FAM124A: variants seen among roughly 807,000 people sequenced by gnomAD.
FAM124A encodes the protein protein FAM124A.
Under a neutral mutation model 24.5 loss-of-function variants are expected in FAM124A, and 23 were observed. That is an observed-to-expected ratio of 0.94 (90% CI 0.68 to 1.33). The LOEUF (loss-of-function observed/expected upper bound fraction) is 1.33, where lower values mean the gene tolerates loss of function less well. FAM124A is among the 40% of genes most tolerant of loss of function. The probability of loss-of-function intolerance (pLI) is 0.00; values close to 1 mark genes in which losing one functional copy is unlikely to be tolerated. For missense variants in FAM124A, 623 were observed against 722.8 expected (o/e 0.86, Z 1.58); for synonymous variants, 287 against 314.7 (o/e 0.91, Z 0.93).
intron 3 of FAM124A, among the ~76,000 whole-genome samples, chr13:51,273,753 G>T (rs1798611236): frequency 6.6e-6 from 1 of 152,204 alleles, no homozygotes; most frequent in South Asian, 2.1e-4. Flanking sequence ...GTAAGAATGA[G>T]ATTTTTAACC....
At chr13:51,230,030 G>A (rs1954358493) in intron 1 of FAM124A, among the ~76,000 whole-genome samples, 1 of 152,016 alleles carries the variant, frequency 6.6e-6, no homozygotes, top group African/African-American at 2.4e-5. Context: ...CCTGGCCTCT[G>A]TACAGATAGT....
chr13:51,248,649 A>G (rs1954589030), intron 2 of FAM124A, among the ~76,000 whole-genome samples: 1 of 152,122 alleles, frequency 6.6e-6, no homozygotes, highest in Non-Finnish European at 1.5e-5. Context: ...GGCTCCCCCA[A>G]GTATGTTCTT....
intron 3 of FAM124A, among the ~76,000 whole-genome samples, chr13:51,280,010 C>T (rs1419171140): frequency 6.6e-6 from 1 of 152,180 alleles, no homozygotes; most frequent in East Asian, 1.9e-4. Flanking sequence ...TCTGTCCTCT[C>T]ATCAGTAACA....
chr13:51,269,944 G>A (rs922150271), intron 3 of FAM124A, among the ~76,000 whole-genome samples: 42 of 152,258 alleles, frequency 2.8e-4, no homozygotes, highest in Admixed American at 1.0e-3. Context: ...ACGACTTTAC[G>A]TACAGCCAGA....
intron 3 of FAM124A, among the ~76,000 whole-genome samples, chr13:51,274,578 CAG>C (rs1954868448): frequency 6.6e-6 from 1 of 152,114 alleles, no homozygotes; most frequent in African/African-American, 2.4e-5. Context: ...CCAAAAATAT[CAG>C]AGTCCTCATA....
At chr13:51,248,827 C>T (rs995567668) in intron 2 of FAM124A, among the ~76,000 whole-genome samples, 1 of 152,208 alleles carries the variant, frequency 6.6e-6, no homozygotes, top group Admixed American at 6.5e-5. Flanking sequence ...AGTAAGGATA[C>T]ATAATAGGAT....
rs1053986395 is a variant in FAM124A at position 51,281,278 on chromosome 13, G to C, written c.*22G>C. 4 of 1,529,560 alleles carry C rather than the reference G, an allele frequency of 2.6e-6. No homozygotes were observed. The African/African-American group carries it at 4.1e-5, about 16-fold the overall frequency. 94.7% of individuals were successfully genotyped at this position (1,529,560 alleles called of 1,614,324 possible). ...CTGAATGCCCTCTGCTCTTGTTCTC[G>C]AAACACACAAACTCAGAGACACAGA... is the stretch of plus-strand genomic sequence containing the variant. On this transcript the variant is annotated 3_prime_UTR_variant, in exon 4 of 4. Transcript: ENST00000322475.
chr13:51,250,509 C>T (rs1220146731), intron 2 of FAM124A, among the ~76,000 whole-genome samples: 3 of 152,196 alleles, frequency 2.0e-5, no homozygotes, highest in Non-Finnish European at 4.4e-5. Context: ...AAAAAACTGT[C>T]ACCCCATGGG....
At chr13:51,225,917 G>A (rs1954310359) in intron 1 of FAM124A, among the ~76,000 whole-genome samples, 1 of 146,564 alleles carries the variant, frequency 6.8e-6, no homozygotes, top group Non-Finnish European at 1.5e-5. Context: ...GGATTCTATA[G>A]AAGGGGGAAG....
At chr13:51,245,955 T>G (rs1316188875) in intron 2 of FAM124A, among the ~76,000 whole-genome samples, 2 of 152,228 alleles carry the variant, frequency 1.3e-5, no homozygotes, top group Non-Finnish European at 2.9e-5. Context: ...AGGCTAATAG[T>G]ACACTTTCTG....
intron 2 of FAM124A, among the ~76,000 whole-genome samples, chr13:51,237,314 C>T (rs1028142963): frequency 9.2e-5 from 14 of 152,182 alleles, no homozygotes; most frequent in African/African-American, 3.4e-4. Context: ...AGATGATGTA[C>T]TTATTTCCAA....
intron 1 of FAM124A, 26 bp from the exon 2 acceptor site, chr13:51,231,319 TCTA>T (rs1195825488): frequency 1.2e-6 from 2 of 1,613,552 alleles, no homozygotes; most frequent in Non-Finnish European, 1.7e-6. Flanking sequence ...GATAAAGAAT[TCTA>T]CTAACGCTGA....
At chr13:51,225,985 T>C (rs908356835) in intron 1 of FAM124A, among the ~76,000 whole-genome samples, 19 of 24,428 alleles carry the variant, frequency 7.8e-4, no homozygotes, top group Non-Finnish European at 1.3e-3. Flanking sequence ...TCTTTTTTTT[T>C]TTTTTTTTTT....
chr13:51,232,145 A>G (rs182226565), intron 2 of FAM124A, among the ~76,000 whole-genome samples: 6 of 152,316 alleles, frequency 3.9e-5, no homozygotes, highest in African/African-American at 1.4e-4. Flanking sequence ...GATCAGGAAT[A>G]TGTTTACAAA....
intron 3 of FAM124A, among the ~76,000 whole-genome samples, chr13:51,269,801 A>G (rs892744392): frequency 1.3e-5 from 2 of 152,218 alleles, no homozygotes; most frequent in Admixed American, 6.5e-5. Flanking sequence ...TTAATTTTTA[A>G]AAGTATTTTT....
chr13:51,277,382 G>A lies in FAM124A; in HGVS notation c.835-3068G>A, dbSNP rs866306404. 1.1e-3 allele frequency among the ~76,000 whole-genome samples: 170 copies of A among 152,316 alleles called. 1 individual carries two copies. Among genetic ancestry groups the A allele is most frequent in the African/African-American group, 3.9e-3 (161 of 41,576 alleles). ...GAGGGCTGAAAATTACCTATTGGGT[G>A]CGCTGTTCACTATTTGGGTGATGGG... On this transcript the variant is annotated intron_variant, in intron 3 of 3. Coordinates refer to ENST00000322475, the MANE Select transcript of FAM124A (RefSeq NM_001242312.2).
At chr13:51,248,380 A>G (rs1954586099) in intron 2 of FAM124A, among the ~76,000 whole-genome samples, 1 of 152,200 alleles carries the variant, frequency 6.6e-6, no homozygotes, top group South Asian at 2.1e-4. Flanking sequence ...CTGTGAATCC[A>G]TGCCTCTTCT....
At chr13:51,234,710 G>C (rs1032679282) in intron 2 of FAM124A, among the ~76,000 whole-genome samples, 1 of 152,160 alleles carries the variant, frequency 6.6e-6, no homozygotes, top group Non-Finnish European at 1.5e-5. Flanking sequence ...GCACTTACCT[G>C]TTTTCTCTTT....
chr13:51,254,396 C>CT (rs149474095), intron 3 of FAM124A, among the ~76,000 whole-genome samples: 8,450 of 151,610 alleles, frequency 0.056, 286 homozygotes, highest in African/African-American at 0.083. Flanking sequence ...AAAGTTGAAA[C>CT]TTTTTTTTTC....
Sources: gnomAD v4.1 joint callset for allele counts (sites outside exome capture counted in the v4.1 genomes callset) on GRCh38, gnomAD v4.1.1 for gene constraint, MANE v1.5 for transcripts, NCBI Gene and HGNC (gene_info 2026-07-23, HGNC 2026-07-21) for gene names.